Variants in PSPC1 observed in about 807,000 individuals in gnomAD.
The protein encoded by PSPC1 is paraspeckle protein 1.
Under a neutral mutation model 51.6 loss-of-function variants are expected in PSPC1, and 14 were observed. That is an observed-to-expected ratio of 0.27 (90% CI 0.18 to 0.42). The LOEUF (loss-of-function observed/expected upper bound fraction) is 0.42. PSPC1 is among the 10% of genes least tolerant of loss of function. PSPC1 has a pLI of 1.00. For synonymous variants in PSPC1, 193 were observed against 231.9 expected (o/e 0.83, Z 1.53); for missense variants, 406 against 701.1 (o/e 0.58, Z 4.75).
chr13:19,755,385 C>T lies in PSPC1; in HGVS notation c.771-3918G>A, dbSNP rs573869209. Among the ~76,000 whole-genome samples the T allele has an allele frequency of 3.9e-5, 6 of 152,132 alleles. No individual in the cohort carries two copies. In the East Asian group the frequency reaches 5.8e-4, roughly 15 times the overall value. ...CAGGCAGATCACAAGGTCGGGAGTTCGAGACCAACCTGGCCAACATAGTGA... is the reference window on the plus strand; with the variant it reads ...CAGGCAGATCACAAGGTCGGGAGTTTGAGACCAACCTGGCCAACATAGTGA... On this transcript the variant is annotated intron_variant, in intron 3 of 8. Transcript: ENST00000338910.
chr13:19,690,463 A>G (rs1276631629), intron 6 of PSPC1, among the ~76,000 whole-genome samples: 1 of 152,238 alleles, frequency 6.6e-6, no homozygotes, highest in Non-Finnish European at 1.5e-5. Flanking sequence ...ACAAAGGAAG[A>G]AAAGGTGTGA....
In PSPC1 at chr13:19,709,712, T is replaced by C. The variant is rs190250954; in HGVS notation, c.1159-113A>G. ...GGGACATCATTTTTCATTAAAAATT[T>C]TGAAAAGTTTCCATCATCATAAACT... On this transcript the variant is annotated intron_variant, in intron 6 of 8. Transcript: ENST00000338910. 82 of 1,010,116 alleles carry C rather than the reference T, an allele frequency of 8.1e-5. No homozygotes were observed. The South Asian group carries it at 1.0e-3, about 13-fold the overall frequency. 62.6% of individuals were successfully genotyped at this position (1,010,116 alleles called of 1,614,324 possible). A position where few individuals can be genotyped will look rare whatever the true frequency, so the allele number is the denominator to read the frequency against.
chr13:19,753,748 G>A (rs1022407078), intron 3 of PSPC1, among the ~76,000 whole-genome samples: 4 of 152,116 alleles, frequency 2.6e-5, no homozygotes, highest in African/African-American at 7.2e-5. Flanking sequence ...AGGGAAAGAT[G>A]TAATAACAAG....
chr13:19,755,806 C>T (rs943630502), intron 3 of PSPC1, among the ~76,000 whole-genome samples: 20 of 152,130 alleles, frequency 1.3e-4, no homozygotes, highest in African/African-American at 4.8e-4. Flanking sequence ...GGTCCTTTGA[C>T]TTTAAAATAT....
intron 5 of PSPC1, among the ~76,000 whole-genome samples, chr13:19,735,679 C>A (rs1352476036): frequency 6.6e-6 from 1 of 152,154 alleles, no homozygotes; most frequent in South Asian, 2.1e-4. Flanking sequence ...ATAAAGCTAT[C>A]TTACTTGGCA....
At chr13:19,671,854 A>G (rs1314647016), downstream of PSPC1, 1 of 1,614,200 alleles carries the variant, frequency 6.2e-7, no homozygotes, top group Admixed American at 1.7e-5. Flanking sequence ...TAATAGGTGC[A>G]TACAGAGTGC....
chr13:19,708,144 ACT>A (rs1275334655), intron 7 of PSPC1, among the ~76,000 whole-genome samples: 1 of 152,174 alleles, frequency 6.6e-6, no homozygotes, highest in Non-Finnish European at 1.5e-5. Context: ...GCAATATATG[ACT>A]CTACATTATC....
At chr13:19,772,183 A>G in intron 2 of PSPC1, 59 bp downstream of exon 2, 1 of 1,535,590 alleles carries the variant, frequency 6.5e-7, no homozygotes, top group Admixed American at 2.0e-5. Context: ...CAGAATTCCA[A>G]AACAGAGAGA....
intron 4 of PSPC1, among the ~76,000 whole-genome samples, chr13:19,747,486 C>T (rs1295424801): frequency 6.6e-6 from 1 of 152,042 alleles, no homozygotes; most frequent in Non-Finnish European, 1.5e-5. Context: ...ACACATGCCA[C>T]CATGCCCAGC....
Position 19,730,327 on chromosome 13 carries a change from C to A in PSPC1, c.1070G>T (p.Arg357Leu), listed in dbSNP as rs202174707. The A allele has an allele frequency of 6.2e-7, 1 of 1,613,824 alleles. No individual in the cohort carries two copies. Among genetic ancestry groups the A allele is most frequent in the East Asian group, 2.2e-5 (1 of 44,862 alleles). ...TCGGATCATTTCTTCCTCACGCCGC[C>A]GATGCTCCTCTTCATGTCTGAAAAT... is the stretch of plus-strand genomic sequence containing the variant. ...QIQLRHEEEH[R>L]RREEEMIRHR... Residue 357 changes from arginine to leucine, a missense_variant, in exon 6 of 9, where the codon CGG becomes CTG. Physicochemically the swap from Arg to Leu is moderately radical, Grantham distance 102. Transcript: ENST00000338910.
At chr13:19,736,140 G>T (rs994342593) in intron 5 of PSPC1, among the ~76,000 whole-genome samples, 5 of 151,892 alleles carry the variant, frequency 3.3e-5, no homozygotes, top group Non-Finnish European at 5.9e-5. Context: ...CAATTTTAAG[G>T]CAAGTTGTTC....
chr13:19,768,965 T>A (rs1306810305), intron 2 of PSPC1, among the ~76,000 whole-genome samples: 2 of 138,964 alleles, frequency 1.4e-5, no homozygotes, highest in Non-Finnish European at 1.5e-5. Flanking sequence ...CGAAACCCCA[T>A]CTCTACTGCA....
At chr13:19,698,536 C>G (rs372722689), downstream of PSPC1, among the ~76,000 whole-genome samples, 14 of 151,838 alleles carry the variant, frequency 9.2e-5, no homozygotes, top group African/African-American at 3.4e-4. Flanking sequence ...TCCACTTGAA[C>G]CTACTTAATT....
downstream of PSPC1, chr13:19,671,279 C>T: frequency 6.2e-7 from 1 of 1,613,014 alleles, no homozygotes; most frequent in Non-Finnish European, 8.5e-7. Flanking sequence ...ACAGAAGCAC[C>T]CTCTGCCAAG....
chr13:19,720,674 T>C (rs959163637), intron 6 of PSPC1, among the ~76,000 whole-genome samples: 16 of 152,168 alleles, frequency 1.1e-4, no homozygotes, highest in African/African-American at 3.6e-4. Flanking sequence ...GTAACAATCA[T>C]ATCAATTGGT....
intron 6 of PSPC1, among the ~76,000 whole-genome samples, chr13:19,688,452 C>G (rs913280537): frequency 2.6e-5 from 4 of 152,154 alleles, no homozygotes. Context: ...CCTCTCAATT[C>G]ATGCATATGT....
At chr13:19,716,457 T>C (rs1209183544) in intron 6 of PSPC1, among the ~76,000 whole-genome samples, 1 of 152,176 alleles carries the variant, frequency 6.6e-6, no homozygotes, top group Non-Finnish European at 1.5e-5. Flanking sequence ...AATATAACTC[T>C]TGTTTGAGTG....
At chr13:19,688,458 T>C (rs531643089) in intron 6 of PSPC1, among the ~76,000 whole-genome samples, 6 of 152,346 alleles carry the variant, frequency 3.9e-5, no homozygotes, top group Middle Eastern at 3.4e-3. Context: ...AATTCATGCA[T>C]ATGTAAGTAA....
Position 19,782,444 on chromosome 13 carries a change from T to C in PSPC1, c.314A>G (p.Tyr105Cys). ...EEDFKRLFER[Y>C]GEPSEVFINR... Reference sequence around the variant, plus strand: ...GATGAAGACTTCGCTGGGCTCGCCATAGCGTTCGAAGAGCCTCTTGAAGTC... The same window carrying C: ...GATGAAGACTTCGCTGGGCTCGCCACAGCGTTCGAAGAGCCTCTTGAAGTC... The change falls in exon 1 of 9, where the codon TAT becomes TGT. Residue 105 changes from tyrosine to cysteine, a missense_variant. Physicochemically the swap from Tyr to Cys is radical, Grantham distance 194. Transcript: ENST00000338910. The surrounding 1 kb of genome is among the most constrained non-coding windows in gnomAD (Gnocchi z 4.5). The C allele has an allele frequency of 6.2e-7, 1 of 1,610,360 alleles. No homozygotes were observed. Among genetic ancestry groups the C allele is most frequent in the Non-Finnish European group, 8.5e-7 (1 of 1,178,336 alleles).
Sources: gnomAD v4.1 joint callset for allele counts (sites outside exome capture counted in the v4.1 genomes callset) on GRCh38, gnomAD v4.1.1 for gene constraint, Gnocchi (gnomAD v3.1) non-coding constraint, MANE v1.5 for transcripts, NCBI Gene and HGNC (gene_info 2026-07-23, HGNC 2026-07-21) for gene names.